MNS1: variants seen among roughly 807,000 people sequenced by gnomAD.
MNS1 encodes the protein meiosis-specific nuclear structural protein 1.
In MNS1, 63 loss-of-function variants were observed where a neutral mutation model predicts 72.0. That is an observed-to-expected ratio of 0.87 (90% CI 0.71 to 1.08). The LOEUF (loss-of-function observed/expected upper bound fraction) is 1.08, where lower values mean the gene tolerates loss of function less well. MNS1 is among the 50% of genes least tolerant of loss of function. The pLI, the probability that MNS1 is intolerant of heterozygous loss-of-function variation, is 0.00. For synonymous variants in MNS1, 188 were observed against 172.1 expected, an observed-to-expected ratio of 1.09 and a Z score of -0.72; for missense variants, 604 against 562.4, an observed-to-expected ratio of 1.07 and a Z score of -0.75.
chr15:56,452,371 A>G (rs944815053), intron 3 of MNS1, among the ~76,000 whole-genome samples: 2 of 152,210 alleles, frequency 1.3e-5, no homozygotes, highest in African/African-American at 4.8e-5. Context: ...TGCCTGGCAG[A>G]CAACATTAGA....
chr15:56,454,849 AC>A (rs1445666778), intron 3 of MNS1, among the ~76,000 whole-genome samples: 4 of 152,108 alleles, frequency 2.6e-5, no homozygotes, highest in African/African-American at 9.7e-5. Flanking sequence ...ATTTTCCAGA[AC>A]CTTTTCACAG....
chr15:56,437,542 T>C lies in MNS1; in HGVS notation c.1012-3147A>G, dbSNP rs558529265. Among the ~76,000 whole-genome samples, 874 of 152,258 alleles carry C rather than the reference T, an allele frequency of 5.7e-3. 6 individuals are homozygous for C. Among genetic ancestry groups the C allele is most frequent in the African/African-American group, 0.02 (824 of 41,544 alleles). On this transcript the variant is annotated intron_variant, in intron 7 of 9. Coordinates refer to ENST00000260453, the MANE Select transcript of MNS1 (RefSeq NM_018365.4). ...TGGGCAAAAACTGGAAGCATTCCCT[T>C]TGAAAACTGGCACAAGACAGGGATG...
intron 7 of MNS1, among the ~76,000 whole-genome samples, chr15:56,438,326 T>C (rs2050762949): frequency 6.6e-6 from 1 of 151,868 alleles, no homozygotes; most frequent in Non-Finnish European, 1.5e-5. Context: ...TCTACAACCA[T>C]CTGCTCTTTT....
chr15:56,455,662 A>G (rs58619937), intron 3 of MNS1, among the ~76,000 whole-genome samples: 8,794 of 152,254 alleles, frequency 0.058, 656 homozygotes, highest in East Asian at 0.37. Flanking sequence ...ATTCGATCTT[A>G]GGCAGGATCA....
At chr15:56,438,860 C>T (rs993523439) in intron 7 of MNS1, among the ~76,000 whole-genome samples, 1 of 152,140 alleles carries the variant, frequency 6.6e-6, no homozygotes, top group Admixed American at 6.6e-5. Context: ...CAAAAGAAGA[C>T]ATTTATGCAG....
chr15:56,433,587 G>C (rs528216360), intron 8 of MNS1, among the ~76,000 whole-genome samples: 1 of 152,164 alleles, frequency 6.6e-6, no homozygotes, highest in Non-Finnish European at 1.5e-5. Context: ...TTCACCACTT[G>C]TCACTGGGAT....
At chr15:56,437,125 CTTTGG>C (rs1429141322) in intron 7 of MNS1, among the ~76,000 whole-genome samples, 1 of 152,088 alleles carries the variant, frequency 6.6e-6, no homozygotes, top group East Asian at 1.9e-4. Flanking sequence ...CATCCTGATA[CTTTGG>C]TCGTCTGTCA....
intron 1 of MNS1, 120 bp downstream of exon 1, chr15:56,464,850 C>T: frequency 9.2e-6 from 13 of 1,415,300 alleles, no homozygotes; most frequent in Non-Finnish European, 1.3e-5. Flanking sequence ...AAAGCAAATA[C>T]AAGTTCCCCA....
intron 7 of MNS1, among the ~76,000 whole-genome samples, chr15:56,436,077 A>T (rs1046482386): frequency 6.6e-6 from 1 of 152,146 alleles, no homozygotes; most frequent in Non-Finnish European, 1.5e-5. Context: ...GATATCCAGG[A>T]ATTGAACTCA....
intron 3 of MNS1, among the ~76,000 whole-genome samples, chr15:56,452,485 A>G (rs113621841): frequency 8.0e-4 from 122 of 151,684 alleles, no homozygotes; most frequent in African/African-American, 2.7e-3. Flanking sequence ...GAAAATGGGT[A>G]TTCAGTATAA....
intron 3 of MNS1, among the ~76,000 whole-genome samples, chr15:56,450,130 AT>A (rs2050938413): frequency 6.6e-6 from 1 of 152,100 alleles, no homozygotes; most frequent in South Asian, 2.1e-4. Context: ...TTTTCTAGTA[AT>A]TCCAGATGGA....
chr15:56,465,024 G>A lies in MNS1; in HGVS notation c.-52C>T, dbSNP rs780158876. On this transcript the variant is annotated 5_prime_UTR_variant, in exon 1 of 10. Coordinates refer to ENST00000260453, the MANE Select transcript of MNS1 (RefSeq NM_018365.4). ...CGTGGGACCGCGGCCACCACCTCCCGCCGCAAACGCAGCAGCCAGCAGCCC... is the reference window on the plus strand; with the variant it reads ...CGTGGGACCGCGGCCACCACCTCCCACCGCAAACGCAGCAGCCAGCAGCCC... 5 of 1,592,924 alleles carry A rather than the reference G, an allele frequency of 3.1e-6. No individual in the cohort carries two copies. Among genetic ancestry groups the A allele is most frequent in the South Asian group, 1.1e-5 (1 of 88,100 alleles).
At chr15:56,438,346 CAA>C (rs1482264362) in intron 7 of MNS1, among the ~76,000 whole-genome samples, 3 of 151,142 alleles carry the variant, frequency 2.0e-5, no homozygotes, top group Non-Finnish European at 3.0e-5. Flanking sequence ...TTTTTTGTTA[CAA>C]AAAAGACAGG....
intron 7 of MNS1, among the ~76,000 whole-genome samples, chr15:56,443,214 T>C (rs564534824): frequency 6.6e-6 from 1 of 152,318 alleles, no homozygotes; most frequent in East Asian, 1.9e-4. Context: ...ACAGACAACA[T>C]AGTTGCATCA....
At chr15:56,445,716 A>G (rs2050895149) in intron 4 of MNS1, 1 of 152,096 alleles carries the variant, frequency 6.6e-6, no homozygotes, top group Non-Finnish European at 1.5e-5. Flanking sequence ...TAGTACTTGC[A>G]TGACACCTAG....
chr15:56,459,808 T>C (rs1253555317), intron 2 of MNS1, among the ~76,000 whole-genome samples: 1 of 150,004 alleles, frequency 6.7e-6, no homozygotes, highest in Non-Finnish European at 1.5e-5. Flanking sequence ...CTGACCAACG[T>C]GGAGAAACCC....
chr15:56,433,837 A>G (rs973067865), intron 8 of MNS1, among the ~76,000 whole-genome samples: 3 of 152,188 alleles, frequency 2.0e-5, no homozygotes, highest in Admixed American at 6.5e-5. Flanking sequence ...TATCACATGT[A>G]CATGACATAT....
chr15:56,463,919 T>A, intron 2 of MNS1, 107 bp downstream of exon 2: 1 of 891,666 alleles, frequency 1.1e-6, no homozygotes, highest in South Asian at 1.7e-5. Context: ...AGGCATCACT[T>A]ACCTGCTGCT....
rs944122983 is a variant in MNS1 at position 56,428,881 on chromosome 15, G to T, written c.*220C>A. 10 of 493,280 alleles carry T rather than the reference G, an allele frequency of 2.0e-5. No homozygotes were observed. The highest frequency in any genetic ancestry group is 3.5e-5 in the Non-Finnish European group (10 of 282,386). 30.6% of individuals were successfully genotyped at this position (493,280 alleles called of 1,614,324 possible). On this transcript the variant is annotated 3_prime_UTR_variant, in exon 10 of 10. Transcript: ENST00000260453. ...GGGGATGCAAACAGTGCTCTGTAGT[G>T]TTGTAGAAATCGGATTTTGAAATTA...
Sources: allele counts gnomAD v4.1 joint callset (sites outside exome capture counted in the v4.1 genomes callset), GRCh38; gene constraint gnomAD v4.1.1; transcripts MANE v1.5; gene names NCBI Gene and HGNC (gene_info 2026-07-23, HGNC 2026-07-21).